The following ZCWPW2 variants were observed in gnomAD, a reference collection of about 807,000 sequenced individuals.
ZCWPW2 encodes the protein zinc finger CW-type and PWWP domain containing 2.
In ZCWPW2, 45 loss-of-function variants were observed where a neutral mutation model predicts 46.6. The ratio of observed to expected loss-of-function variants is 0.96; its 90% CI spans 0.76 to 1.24. The LOEUF is 1.24. Among genes scored for constraint, ZCWPW2 ranks in the 50% most tolerant of loss-of-function variants. ZCWPW2 has a pLI of 0.00. For synonymous variants in ZCWPW2, 152 were observed against 137.1 expected, an observed-to-expected ratio of 1.11 and a Z score of -0.76; for missense variants, 429 against 403.9, an observed-to-expected ratio of 1.06 and a Z score of -0.53.
chr3:28,379,446 G>T (rs1705601770), intron 1 of ZCWPW2, among the ~76,000 whole-genome samples: 2 of 152,272 alleles, frequency 1.3e-5, no homozygotes, highest in African/African-American at 4.8e-5. Context: ...AGCAAAAAAT[G>T]CCCTTAAGAA....
At chr3:28,481,586 T>C (rs1009755261) in intron 5 of ZCWPW2, among the ~76,000 whole-genome samples, 1 of 152,194 alleles carries the variant, frequency 6.6e-6, no homozygotes, top group Non-Finnish European at 1.5e-5. Flanking sequence ...ATTATGATCA[T>C]TTTATATTTT....
chr3:28,520,162 G>A (rs1485649265), intron 8 of ZCWPW2, among the ~76,000 whole-genome samples: 2 of 151,674 alleles, frequency 1.3e-5, no homozygotes, highest in African/African-American at 2.4e-5. Context: ...CCACCACCAC[G>A]CCAGGCTAAT....
At chr3:28,436,681 T>C (rs892230400) in intron 4 of ZCWPW2, among the ~76,000 whole-genome samples, 25 of 152,262 alleles carry the variant, frequency 1.6e-4, no homozygotes, top group African/African-American at 5.8e-4. Context: ...AAGGCTGTTT[T>C]TGTGAAAACA....
Position 28,514,460 on chromosome 3 carries a change from A to G in ZCWPW2, c.716+338A>G, listed in dbSNP as rs1700511173. On this transcript the variant is annotated intron_variant, in intron 7 of 9. Coordinates refer to ENST00000383768, the MANE Select transcript of ZCWPW2 (RefSeq NM_001040432.4). ...ACATGAAATGCAAAGCTATTAGTATATAGGTGGAAACTGACATAGTGAGGG... is the reference window on the plus strand; with the variant it reads ...ACATGAAATGCAAAGCTATTAGTATGTAGGTGGAAACTGACATAGTGAGGG... Among the ~76,000 whole-genome samples the G allele has an allele frequency of 2.0e-5, 3 of 152,184 alleles. No homozygotes were observed. In the South Asian group the frequency reaches 6.2e-4, roughly 31 times the overall value.
intron 1 of ZCWPW2, among the ~76,000 whole-genome samples, chr3:28,362,823 AGTAGTAGTATG>A (rs1704992954): frequency 6.6e-6 from 1 of 152,212 alleles, no homozygotes; most frequent in Non-Finnish European, 1.5e-5. Context: ...AATGCCCATA[AGTAGTAGTATG>A]GATAAAGAAA....
chr3:28,449,085 C>T (rs761629283), intron 4 of ZCWPW2, among the ~76,000 whole-genome samples: 43 of 152,142 alleles, frequency 2.8e-4, no homozygotes, highest in Admixed American at 9.2e-4. Flanking sequence ...TAAATTCTCA[C>T]GTAAATAGTC....
intron 1 of ZCWPW2, among the ~76,000 whole-genome samples, chr3:28,374,924 A>C (rs1221573187): frequency 6.6e-6 from 1 of 151,908 alleles, no homozygotes; most frequent in Admixed American, 6.6e-5. Context: ...GAGGTGTTAA[A>C]GTTCCTTACT....
chr3:28,524,955 G>A lies in ZCWPW2; in HGVS notation c.*267G>A, dbSNP rs1700813661. 5.2e-6 allele frequency: 1 copy of A among 190,902 alleles called. No individual in the cohort carries two copies. The highest frequency in any genetic ancestry group is 1.0e-5 in the Non-Finnish European group (1 of 95,684). 11.8% of individuals were successfully genotyped at this position (190,902 alleles called of 1,614,324 possible). ...GTTTGCCTTAATTTTTAAATGGTTT[G>A]TGAAATTTGCCTAACAAACATATGT... On this transcript the variant is annotated 3_prime_UTR_variant, in exon 10 of 10. Coordinates refer to ENST00000383768, the MANE Select transcript of ZCWPW2 (RefSeq NM_001040432.4).
intron 1 of ZCWPW2, among the ~76,000 whole-genome samples, chr3:28,376,324 A>G (rs1245518450): frequency 6.6e-6 from 1 of 152,142 alleles, no homozygotes; most frequent in Non-Finnish European, 1.5e-5. Context: ...AACAATCTCT[A>G]CACTTTAACT....
In ZCWPW2 at chr3:28,350,098, G is replaced by A. The variant is rs556348059; in HGVS notation, c.-134+895G>A. ...CTGGGCTGGAGAATGGAAGAGAGCA[G>A]TGTTTTTAATATTTTGAGCAAGTAT... On this transcript the variant is annotated intron_variant, in intron 1 of 9. Coordinates refer to ENST00000383768, the MANE Select transcript of ZCWPW2 (RefSeq NM_001040432.4). 2.0e-5 allele frequency among the ~76,000 whole-genome samples: 3 copies of A among 152,312 alleles called. No individual in the cohort carries two copies. In the South Asian group the frequency reaches 6.2e-4, roughly 32 times the overall value.
intron 6 of ZCWPW2, among the ~76,000 whole-genome samples, chr3:28,507,165 T>C (rs1316258691): frequency 6.6e-6 from 1 of 152,132 alleles, no homozygotes; most frequent in African/African-American, 2.4e-5. Flanking sequence ...CAAAGGCTCA[T>C]ACTAGGAAGG....
intron 4 of ZCWPW2, among the ~76,000 whole-genome samples, chr3:28,460,236 A>G (rs1698577486): frequency 6.7e-6 from 1 of 150,172 alleles, no homozygotes. Context: ...AAGGGGTCAC[A>G]CTAAACAGAG....
chr3:28,509,737 A>G (rs894731816), intron 6 of ZCWPW2, among the ~76,000 whole-genome samples: 1 of 152,264 alleles, frequency 6.6e-6, no homozygotes, highest in African/African-American at 2.4e-5. Context: ...CTTATCAAAT[A>G]TATGATTTGA....
chr3:28,511,371 T>C (rs1700421451), intron 6 of ZCWPW2, among the ~76,000 whole-genome samples: 1 of 152,200 alleles, frequency 6.6e-6, no homozygotes, highest in African/African-American at 2.4e-5. Flanking sequence ...TGGAAAGTAC[T>C]TAATTTGAAA....
intron 1 of ZCWPW2, among the ~76,000 whole-genome samples, chr3:28,366,757 T>G (rs1430684482): frequency 6.6e-6 from 1 of 152,246 alleles, no homozygotes; most frequent in Non-Finnish European, 1.5e-5. Flanking sequence ...AATTCGGCTG[T>G]GAATCCATCT....
chr3:28,408,147 A>T (rs1278447961), intron 2 of ZCWPW2, among the ~76,000 whole-genome samples: 2 of 152,206 alleles, frequency 1.3e-5, no homozygotes, highest in Non-Finnish European at 2.9e-5. Flanking sequence ...ACATTTTCTT[A>T]GTGTTAGTTT....
Position 28,390,552 on chromosome 3 carries a change from C to A in ZCWPW2, c.-79C>A. 1.0e-6 allele frequency: 1 copy of A among 985,346 alleles called. No homozygotes were observed. 61.0% of individuals were successfully genotyped at this position (985,346 alleles called of 1,614,324 possible). On this transcript the variant is annotated 5_prime_UTR_variant, in exon 2 of 10. Transcript: ENST00000383768. ...AGTGACTACAGACCTCACTTCCCTT[C>A]TCTGGAGTTTTGGAGTCTATTTTCT...
intron 4 of ZCWPW2, among the ~76,000 whole-genome samples, chr3:28,449,709 G>A (rs972663509): frequency 2.0e-5 from 3 of 152,138 alleles, no homozygotes; most frequent in Admixed American, 6.5e-5. Context: ...AAAAATTACA[G>A]AAGTATGTTT....
intron 6 of ZCWPW2, among the ~76,000 whole-genome samples, chr3:28,513,576 C>T (rs1700484303): frequency 6.6e-6 from 1 of 152,080 alleles, no homozygotes; most frequent in African/African-American, 2.4e-5. Context: ...CAGTGTCACC[C>T]TCAAAACATG....
Sources: allele counts gnomAD v4.1 joint callset (sites outside exome capture counted in the v4.1 genomes callset), GRCh38; gene constraint gnomAD v4.1.1; transcripts MANE v1.5; gene names NCBI Gene and HGNC (gene_info 2026-07-23, HGNC 2026-07-21).